The following ADGRA3 variants were observed in gnomAD, a reference collection of about 807,000 sequenced individuals.
ADGRA3 encodes adhesion G protein-coupled receptor A3, also known as G-protein coupled receptor 125.
A neutral mutation model predicts 119.8 loss-of-function variants in ADGRA3; 56 were observed. The observed-to-expected ratio is 0.47, with a 90% CI of 0.38 to 0.58. The LOEUF is 0.58. Among genes scored for constraint, ADGRA3 ranks in the 20% least tolerant of loss-of-function variants. The probability of loss-of-function intolerance (pLI) is 0.00; values close to 1 mark genes in which losing one functional copy is unlikely to be tolerated. For missense variants in ADGRA3, 1,516 were observed against 1,649.0 expected (o/e 0.92, Z 1.40); for synonymous variants, 607 against 623.8 (o/e 0.97, Z 0.40).
intron 16 of ADGRA3, among the ~76,000 whole-genome samples, chr4:22,400,066 A>G (rs1403817630): frequency 2.0e-5 from 3 of 152,186 alleles, no homozygotes; most frequent in Non-Finnish European, 4.4e-5. Context: ...GTTTTCTCAT[A>G]GTTGTATTTC....
At chr4:22,515,304 T>A (rs1397414639) in intron 1 of ADGRA3, 5 of 422,028 alleles carry the variant, frequency 1.2e-5, no homozygotes, top group Non-Finnish European at 2.0e-5. Flanking sequence ...CCGAAAACTT[T>A]ACTTTGCAAA....
intron 4 of ADGRA3, among the ~76,000 whole-genome samples, chr4:22,453,200 C>CAAAAAA (rs530504605): frequency 2.8e-4 from 6 of 21,536 alleles, no homozygotes; most frequent in Admixed American, 5.8e-4. Flanking sequence ...GACTCCATCT[C>CAAAAAA]AAAAAAAAAA....
At chr4:22,414,585 T>C (rs1449528728) in intron 12 of ADGRA3, 2 of 698,610 alleles carry the variant, frequency 2.9e-6, no homozygotes, top group East Asian at 5.4e-5. Context: ...TTCTTCTAAT[T>C]CCATATTCAC....
intron 2 of ADGRA3, among the ~76,000 whole-genome samples, chr4:22,468,803 G>A (rs1717755370): frequency 6.6e-6 from 1 of 151,328 alleles, no homozygotes; most frequent in Non-Finnish European, 1.5e-5. Context: ...GAAGAAGGAA[G>A]GAAGGAAGGC....
chr4:22,402,020 G>C (rs949972678), intron 15 of ADGRA3, among the ~76,000 whole-genome samples: 6 of 152,032 alleles, frequency 3.9e-5, no homozygotes, highest in Non-Finnish European at 5.9e-5. Context: ...TTTCTTTTTA[G>C]TAATATATAT....
At chr4:22,499,410 G>T (rs577868348) in intron 1 of ADGRA3, among the ~76,000 whole-genome samples, 2 of 152,180 alleles carry the variant, frequency 1.3e-5, no homozygotes, top group Admixed American at 6.5e-5. Context: ...CTACTTGGCA[G>T]CAAAACCAAT....
chr4:22,489,536 G>A (rs1040913225), intron 1 of ADGRA3, among the ~76,000 whole-genome samples: 7 of 152,142 alleles, frequency 4.6e-5, no homozygotes, highest in Admixed American at 2.6e-4. Flanking sequence ...AAAAAATAAC[G>A]AAAAGGAAAT....
intron 12 of ADGRA3, among the ~76,000 whole-genome samples, chr4:22,417,925 G>T (rs1248020584): frequency 6.6e-6 from 1 of 152,134 alleles, no homozygotes; most frequent in Non-Finnish European, 1.5e-5. Flanking sequence ...AGATGTCTGG[G>T]ATGTGTAAAG....
In ADGRA3 at chr4:22,407,161, C is replaced by T. The variant is rs549900633; in HGVS notation, c.2233-4362G>A. Among the ~76,000 whole-genome samples the T allele has an allele frequency of 5.3e-5, 8 of 152,210 alleles. No individual in the cohort carries two copies. The East Asian group carries it at 1.2e-3, about 22-fold the overall frequency. On this transcript the variant is annotated intron_variant, in intron 14 of 18. Coordinates refer to ENST00000334304, the MANE Select transcript of ADGRA3 (RefSeq NM_145290.4). ...TGGTGGGTGCCTGTAGTCCCAGCTA[C>T]GCAGGAGGCTGAGGCAGAAGAATGG...
rs1300158966 is a variant in ADGRA3, at chr4:22,420,981, A to C, written c.1714T>G (p.Ser572Ala). 1.2e-6 allele frequency: 2 copies of C among 1,614,102 alleles called. No individual in the cohort carries two copies. The highest frequency in any genetic ancestry group is 2.2e-5 in the East Asian group (1 of 44,868). ...TCTGGATCCCGCCTCCCATAATCCG[A>C]AAGTCCTGTACGATCAGAGGCTGCC... ...KVAASDRTGL[S>A]DYGRRDPEGN... The change falls in exon 12 of 19, where the codon TCG becomes GCG. Residue 572 changes from serine to alanine, a missense_variant. Ser to Ala is a moderately conservative substitution (Grantham distance 99). Coordinates refer to ENST00000334304, the MANE Select transcript of ADGRA3 (RefSeq NM_145290.4).
chr4:22,470,504 T>C lies in ADGRA3; in HGVS notation c.329+3268A>G, dbSNP rs573716712. On this transcript the variant is annotated intron_variant, in intron 2 of 18. Transcript: ENST00000334304. ...TTACCCTACAAAATCCTAACCTTTATTCTGTATGACTTGGCTCCTATAATT... is the reference window on the plus strand; with the variant it reads ...TTACCCTACAAAATCCTAACCTTTACTCTGTATGACTTGGCTCCTATAATT... Among the ~76,000 whole-genome samples, 7 of 152,286 alleles carry C rather than the reference T, an allele frequency of 4.6e-5. No individual in the cohort carries two copies. The South Asian group carries it at 1.2e-3, about 27-fold the overall frequency.
At chr4:22,467,905 G>A (rs12646665) in intron 2 of ADGRA3, among the ~76,000 whole-genome samples, 60,592 of 152,122 alleles carry the variant, frequency 0.4, 13,969 homozygotes, top group East Asian at 0.61. Context: ...AATATTTTAA[G>A]TTCTTGGTAA....
intron 16 of ADGRA3, among the ~76,000 whole-genome samples, chr4:22,396,451 A>T (rs2108999545): frequency 6.6e-6 from 1 of 152,320 alleles, no homozygotes; most frequent in East Asian, 1.9e-4. Context: ...AACCTTAACA[A>T]TCATTTAACT....
At chr4:22,513,529 T>TG (rs1488123129) in intron 1 of ADGRA3, among the ~76,000 whole-genome samples, 3 of 151,580 alleles carry the variant, frequency 2.0e-5, no homozygotes, top group Non-Finnish European at 2.9e-5. Flanking sequence ...TTTTTTTTTT[T>TG]GAATGGGAGT....
At chr4:22,437,648 TAAAATAAAAAAA>T (rs1470361683) in intron 8 of ADGRA3, among the ~76,000 whole-genome samples, 1 of 152,098 alleles carries the variant, frequency 6.6e-6, no homozygotes, top group Non-Finnish European at 1.5e-5. Context: ...AACTTTCTAC[TAAAATAAAAAAA>T]TAAATAAATA....
chr4:22,452,955 T>C (rs1454171810), intron 4 of ADGRA3, among the ~76,000 whole-genome samples: 2 of 151,916 alleles, frequency 1.3e-5, no homozygotes, highest in South Asian at 2.1e-4. Context: ...TCCCAGCACT[T>C]TGGGAGTCTG....
chr4:22,433,956 T>C lies in ADGRA3; in HGVS notation c.1443+1355A>G, dbSNP rs555492657. On this transcript the variant is annotated intron_variant, in intron 10 of 18. Coordinates refer to ENST00000334304, the MANE Select transcript of ADGRA3 (RefSeq NM_145290.4). ...CCTGAAGTTCAGAAAACAAATGAAA[T>C]GTTATCCCGCTGACAAGTGAGGTGG... 2.0e-4 allele frequency among the ~76,000 whole-genome samples: 30 copies of C among 152,156 alleles called. 1 individual carries two copies. The South Asian group carries it at 6.0e-3, about 31-fold the overall frequency.
intron 3 of ADGRA3, among the ~76,000 whole-genome samples, chr4:22,459,540 T>C (rs1162181909): frequency 1.3e-5 from 2 of 151,856 alleles, no homozygotes; most frequent in African/African-American, 4.8e-5. Context: ...AGTATTAAGA[T>C]GGAAAGTCAA....
chr4:22,392,307 C>G (rs1454830174), intron 17 of ADGRA3, among the ~76,000 whole-genome samples: 2 of 152,086 alleles, frequency 1.3e-5, no homozygotes, highest in East Asian at 3.9e-4. Flanking sequence ...CCTCACAACT[C>G]GAGGATGGGA....
Sources: gnomAD v4.1 joint callset for allele counts (sites outside exome capture counted in the v4.1 genomes callset) on GRCh38, gnomAD v4.1.1 for gene constraint, MANE v1.5 for transcripts, NCBI Gene and HGNC (gene_info 2026-07-23, HGNC 2026-07-21) for gene names.